The following NRXN3 variants were observed in gnomAD, a reference collection of about 807,000 sequenced individuals.
NRXN3 encodes neurexin 3.
In NRXN3, 32 loss-of-function variants were observed where a neutral mutation model predicts 137.6. The observed-to-expected ratio is 0.23, with a 90% confidence interval of 0.18 to 0.31. The LOEUF is 0.31. Ranked by LOEUF, NRXN3 falls within the 10% of genes least tolerant of loss-of-function variation. The pLI, the probability that NRXN3 is intolerant of heterozygous loss-of-function variation, is 1.00. For missense variants in NRXN3, 1,574 were observed against 2,062.5 expected (o/e 0.76, Z 4.59); for synonymous variants, 798 against 784.5 (o/e 1.02, Z -0.29).
chr14:78,758,480 A>C lies in NRXN3; in HGVS notation c.2044+43341A>C, dbSNP rs564940105. Among the ~76,000 whole-genome samples the C allele has an allele frequency of 2.0e-5, 3 of 152,242 alleles. No homozygotes were observed. In the South Asian group the frequency reaches 6.2e-4, roughly 32 times the overall value. On this transcript the variant is annotated intron_variant, in intron 8 of 20. Coordinates refer to ENST00000335750, the MANE Select transcript of NRXN3 (RefSeq NM_001330195.2). ...GAAGATGGAGAGACAAAGCTTTCCT[A>C]TGAAAAAAATGGCCAAATGTGTGTT...
At chr14:78,182,759 C>G (rs1447427938) in intron 1 of NRXN3, among the ~76,000 whole-genome samples, 1 of 152,230 alleles carries the variant, frequency 6.6e-6, no homozygotes, top group Non-Finnish European at 1.5e-5. Context: ...GTGTGAGCCA[C>G]TGCGCCTGGC....
At chr14:79,486,241 C>T (rs1457650600) in intron 16 of NRXN3, among the ~76,000 whole-genome samples, 2 of 152,088 alleles carry the variant, frequency 1.3e-5, no homozygotes, top group Non-Finnish European at 2.9e-5. Flanking sequence ...CAATTTAACT[C>T]CCTAGTGCCA....
At chr14:78,652,872 G>A (rs528699135) in intron 6 of NRXN3, among the ~76,000 whole-genome samples, 13 of 152,362 alleles carry the variant, frequency 8.5e-5, no homozygotes, top group Admixed American at 8.5e-4. Context: ...TGCCTTGTAG[G>A]AAGGGAGATG....
intron 15 of NRXN3, among the ~76,000 whole-genome samples, chr14:79,387,585 C>A (rs1281062312): frequency 6.6e-6 from 1 of 152,146 alleles, no homozygotes; most frequent in Non-Finnish European, 1.5e-5. Context: ...CCATTTGACC[C>A]AACCATCCCA....
intron 19 of NRXN3, among the ~76,000 whole-genome samples, chr14:79,736,147 C>T (rs981823316): frequency 6.6e-6 from 1 of 152,002 alleles, no homozygotes; most frequent in Non-Finnish European, 1.5e-5. Flanking sequence ...GATCTGAGAC[C>T]CTCATTAATA....
intron 10 of NRXN3, among the ~76,000 whole-genome samples, chr14:78,913,246 T>TTTTCTTTCTTTC (rs1277509308): frequency 4.4e-5 from 5 of 112,978 alleles, no homozygotes; most frequent in East Asian, 3.1e-4. Flanking sequence ...TTTTCCTTTC[T>TTTTCTTTCTTTC]TTTCTTTCTT....
chr14:79,686,252 AAGAT>A (rs1166970904), intron 17 of NRXN3, among the ~76,000 whole-genome samples: 1 of 152,126 alleles, frequency 6.6e-6, no homozygotes, highest in Non-Finnish European at 1.5e-5. Flanking sequence ...GAAAAAAAAA[AAGAT>A]AGTTGGACAT....
At chr14:78,468,504 T>C (rs1035466873) in intron 4 of NRXN3, among the ~76,000 whole-genome samples, 1 of 152,172 alleles carries the variant, frequency 6.6e-6, no homozygotes, top group African/African-American at 2.4e-5. Flanking sequence ...CTTATGCTGA[T>C]CACAGAGAAG....
chr14:78,384,128 CAGGT>C (rs1476104191), intron 4 of NRXN3, among the ~76,000 whole-genome samples: 1 of 152,134 alleles, frequency 6.6e-6, no homozygotes, highest in Non-Finnish European at 1.5e-5. Flanking sequence ...GTGTTGAAAA[CAGGT>C]AGGAACCAAT....
chr14:78,678,053 G>A (rs61976157), intron 6 of NRXN3, among the ~76,000 whole-genome samples: 8,607 of 152,144 alleles, frequency 0.057, 287 homozygotes, highest in Middle Eastern at 0.13. Context: ...AAAAACATTT[G>A]TGTAACTCAC....
chr14:79,281,133 T>A (rs2081215108), intron 15 of NRXN3, among the ~76,000 whole-genome samples: 1 of 152,070 alleles, frequency 6.6e-6, no homozygotes, highest in Admixed American at 6.5e-5. Flanking sequence ...TGTCCACATA[T>A]CTAGTGGAAA....
chr14:78,789,284 C>T (rs1437948464), intron 8 of NRXN3, among the ~76,000 whole-genome samples: 1 of 152,040 alleles, frequency 6.6e-6, no homozygotes, highest in Non-Finnish European at 1.5e-5. Flanking sequence ...TATGTGTTCC[C>T]CCATCTCAAA....
intron 15 of NRXN3, among the ~76,000 whole-genome samples, chr14:79,398,033 C>T (rs762580276): frequency 1.3e-5 from 2 of 152,198 alleles, no homozygotes; most frequent in African/African-American, 2.4e-5. Flanking sequence ...CCCTGTCTTC[C>T]TTTGCTCCAG....
At chr14:78,454,519 A>T (rs1218399652) in intron 4 of NRXN3, among the ~76,000 whole-genome samples, 1 of 152,206 alleles carries the variant, frequency 6.6e-6, no homozygotes. Flanking sequence ...TTCCCAGGTG[A>T]TTCTAATGTG....
chr14:78,851,697 T>C (rs2099043125), intron 10 of NRXN3, among the ~76,000 whole-genome samples: 1 of 152,124 alleles, frequency 6.6e-6, no homozygotes, highest in South Asian at 2.1e-4. Flanking sequence ...GTCACTCAGA[T>C]GGAAGGAAAC....
chr14:78,859,999 G>A (rs2099068138), intron 10 of NRXN3, among the ~76,000 whole-genome samples: 1 of 152,094 alleles, frequency 6.6e-6, no homozygotes, highest in African/African-American at 2.4e-5. Context: ...AAACTCAAAA[G>A]TTTTGGTAGG....
At chr14:78,552,137 A>C (rs961832540) in intron 4 of NRXN3, among the ~76,000 whole-genome samples, 1 of 152,188 alleles carries the variant, frequency 6.6e-6, no homozygotes, top group Non-Finnish European at 1.5e-5. Context: ...TAAGTCTGTC[A>C]CTTGCTAATG....
At chr14:79,228,848 T>C (rs552625447) in intron 15 of NRXN3, among the ~76,000 whole-genome samples, 49 of 152,318 alleles carry the variant, frequency 3.2e-4, no homozygotes, top group Admixed American at 1.4e-3. Context: ...ATTACACATT[T>C]GCTGAAATTC....
intron 19 of NRXN3, among the ~76,000 whole-genome samples, chr14:79,739,648 CAAAA>C (rs72347811): frequency 3.5e-3 from 110 of 31,814 alleles, no homozygotes; most frequent in Admixed American, 8.2e-3. Flanking sequence ...GACTCTGCCT[CAAAA>C]AAAAAAAAAA....
Sources: allele counts gnomAD v4.1 joint callset (sites outside exome capture counted in the v4.1 genomes callset), GRCh38; gene constraint gnomAD v4.1.1; transcripts MANE v1.5; gene names NCBI Gene and HGNC (gene_info 2026-07-23, HGNC 2026-07-21).